Variants in DYRK1A observed in about 807,000 individuals in gnomAD.
The protein encoded by DYRK1A is dual specificity tyrosine phosphorylation regulated kinase 1A, also known as dual specificity tyrosine-phosphorylation-regulated kinase 1A.
DYRK1A carries 9 observed loss-of-function variants against 79.7 expected under a neutral mutation model. The ratio of observed to expected loss-of-function variants is 0.11; its 90% CI spans 0.07 to 0.20. The LOEUF (loss-of-function observed/expected upper bound fraction) is 0.20. Ranked by LOEUF, DYRK1A falls within the 10% of genes least tolerant of loss-of-function variation. The pLI is 1.00. For synonymous variants in DYRK1A, 349 were observed against 329.7 expected (o/e 1.06, Z -0.63); for missense variants, 622 against 956.0 (o/e 0.65, Z 4.61).
chr21:37,511,327 AC>A (rs1601332738), intron 11 of DYRK1A, among the ~76,000 whole-genome samples: 1 of 152,266 alleles, frequency 6.6e-6, no homozygotes. Context: ...TGTTCCTGCT[AC>A]CCTTTGGAGA....
chr21:37,495,949 C>T, intron 8 of DYRK1A, 169 bp from the exon 9 acceptor site: 1 of 565,708 alleles, frequency 1.8e-6, no homozygotes, highest in East Asian at 3.0e-5. Context: ...GTATTTGACT[C>T]AAGGAAGGTA....
intron 2 of DYRK1A, chr21:37,464,218 C>T (rs1163026637): frequency 4.4e-6 from 2 of 452,338 alleles, no homozygotes; most frequent in Non-Finnish European, 8.6e-6. Context: ...CTTTTTGAAT[C>T]TTATGTCCCA....
rs191723196 is a variant in DYRK1A at position 37,403,470 on chromosome 21, G to A, written c.-76-16829G>A. 1.4e-3 allele frequency among the ~76,000 whole-genome samples: 218 copies of A among 151,828 alleles called. 2 individuals carry two copies. The highest frequency in any genetic ancestry group is 2.3e-3 in the Non-Finnish European group (159 of 67,972). ...TTTTGTATTAAAAAACAACAACAGA[G>A]GCAAGGTCTTGTTCTGTCACCCAGT... is the stretch of plus-strand genomic sequence containing the variant. On this transcript the variant is annotated intron_variant, in intron 1 of 11. Transcript: ENST00000647188.
chr21:37,493,933 C>T (rs370469454), intron 8 of DYRK1A, among the ~76,000 whole-genome samples: 51 of 114,180 alleles, frequency 4.5e-4, no homozygotes, highest in African/African-American at 6.2e-4. Flanking sequence ...TTTAATTCTT[C>T]TTTTTTTTTT....
At chr21:37,412,903 AAG>A (rs1402800041) in intron 1 of DYRK1A, among the ~76,000 whole-genome samples, 5 of 152,094 alleles carry the variant, frequency 3.3e-5, no homozygotes, top group Admixed American at 1.3e-4. Context: ...TTGAGTGGAG[AAG>A]AGAGTTTGAA....
chr21:37,366,472 C>A (rs1053714961), upstream of DYRK1A, among the ~76,000 whole-genome samples: 71 of 148,876 alleles, frequency 4.8e-4, no homozygotes, highest in South Asian at 4.2e-4. Context: ...CGCCGCCTCG[C>A]CCCCCCTTCC....
chr21:37,477,340 GGATCTGTT>G (rs1274527744), intron 3 of DYRK1A, among the ~76,000 whole-genome samples: 1 of 152,168 alleles, frequency 6.6e-6, no homozygotes, highest in Non-Finnish European at 1.5e-5. Flanking sequence ...TTGGTTTTGA[GGATCTGTT>G]GATTGCAAGA....
chr21:37,480,841 A>G lies in DYRK1A; in HGVS notation c.489+15A>G. 6.4e-7 allele frequency: 1 copy of G among 1,563,834 alleles called. No individual in the cohort carries two copies. The highest frequency in any genetic ancestry group is 2.3e-5 in the East Asian group (1 of 43,782). Reference sequence around the variant, plus strand: ...CCTTTGGACAGGTAATTTAATGGAAAATGCTGAATTTCATTAGTTAGAAAG... The same window carrying G: ...CCTTTGGACAGGTAATTTAATGGAAGATGCTGAATTTCATTAGTTAGAAAG... On this transcript the variant is annotated intron_variant, in intron 5 of 11. Coordinates refer to ENST00000647188, the MANE Select transcript of DYRK1A (RefSeq NM_001347721.2).
intron 2 of DYRK1A, among the ~76,000 whole-genome samples, chr21:37,459,565 G>C (rs988850397): frequency 7.2e-5 from 11 of 151,940 alleles, no homozygotes; most frequent in African/African-American, 2.7e-4. Flanking sequence ...TTATTTAGGG[G>C]GCATGTTTTC....
chr21:37,372,348 T>G (rs1055220322), intron 1 of DYRK1A, among the ~76,000 whole-genome samples: 5 of 150,448 alleles, frequency 3.3e-5, no homozygotes, highest in Non-Finnish European at 7.4e-5. Context: ...CTCAGGAGAC[T>G]GAGGTGGGAG....
At chr21:37,366,494 C>T (rs2049307388), upstream of DYRK1A, among the ~76,000 whole-genome samples, 2 of 150,336 alleles carry the variant, frequency 1.3e-5, no homozygotes, top group South Asian at 4.2e-4. Context: ...CAGCCCCTAC[C>T]CTCCCTCGGC....
At chr21:37,372,989 C>T (rs576581226) in intron 1 of DYRK1A, among the ~76,000 whole-genome samples, 1 of 152,094 alleles carries the variant, frequency 6.6e-6, no homozygotes. Context: ...TTTAATTTCT[C>T]CATTAAATTT....
At chr21:37,446,919 G>A (rs2051292083) in intron 2 of DYRK1A, among the ~76,000 whole-genome samples, 1 of 152,150 alleles carries the variant, frequency 6.6e-6, no homozygotes, top group African/African-American at 2.4e-5. Context: ...TGATTTGGGA[G>A]CATGCAGTTC....
intron 1 of DYRK1A, among the ~76,000 whole-genome samples, chr21:37,415,834 G>C (rs2050327732): frequency 6.6e-6 from 1 of 152,104 alleles, no homozygotes; most frequent in Non-Finnish European, 1.5e-5. Flanking sequence ...TTTTCTACTA[G>C]ATGAACTTTT....
At chr21:37,486,173 G>A (rs527253454) in intron 5 of DYRK1A, 31 of 178,214 alleles carry the variant, frequency 1.7e-4, no homozygotes, top group Non-Finnish European at 3.0e-4. Flanking sequence ...TCTGAAGGAG[G>A]AAAATAGTTA....
At chr21:37,433,421 T>G (rs1258263085) in intron 2 of DYRK1A, among the ~76,000 whole-genome samples, 1 of 152,220 alleles carries the variant, frequency 6.6e-6, no homozygotes, top group East Asian at 1.9e-4. Context: ...AGGATTGCTT[T>G]ATCTATATGG....
intron 2 of DYRK1A, among the ~76,000 whole-genome samples, chr21:37,451,140 GTGTTT>G (rs948074569): frequency 7.2e-5 from 11 of 152,282 alleles, no homozygotes; most frequent in Non-Finnish European, 1.5e-4. Flanking sequence ...CAGTTGTGCA[GTGTTT>G]TAAGCTGTTA....
At chr21:37,373,965 A>G (rs1393118222) in intron 1 of DYRK1A, among the ~76,000 whole-genome samples, 1 of 152,216 alleles carries the variant, frequency 6.6e-6, no homozygotes, top group Non-Finnish European at 1.5e-5. Context: ...TTAATCATTA[A>G]TTTTTTAAAC....
In DYRK1A at chr21:37,367,356, C is replaced by CGGGCCG. The variant is rs5843825; in HGVS notation, c.-347_-346insGCCGGG. 1.9e-4 allele frequency: 29 copies of CGGGCCG among 149,090 alleles called. No homozygotes were observed. Among genetic ancestry groups the CGGGCCG allele is most frequent in the African/African-American group, 7.1e-4 (29 of 41,134 alleles). 9.2% of individuals were successfully genotyped at this position (149,090 alleles called of 1,614,324 possible). On this transcript the variant is annotated 5_prime_UTR_variant, in exon 1 of 12. Transcript: ENST00000647188. ...GCCGACGCCGCCCTCTGCGCCGGGC[C>CGGGCCG]GGCCGTGCGGCCCCGCCGCCTGGAA...
Sources: gnomAD v4.1 joint callset for allele counts (sites outside exome capture counted in the v4.1 genomes callset) on GRCh38, gnomAD v4.1.1 for gene constraint, MANE v1.5 for transcripts, NCBI Gene and HGNC (gene_info 2026-07-23, HGNC 2026-07-21) for gene names.